Variants in SYNE3 observed in about 807,000 individuals in gnomAD.
SYNE3 encodes the protein spectrin repeat containing nuclear envelope family member 3.
SYNE3 carries 100 observed loss-of-function variants against 111.2 expected under a neutral mutation model. That is an observed-to-expected ratio of 0.90 (90% CI 0.77 to 1.06). The LOEUF is 1.06. Ranked by LOEUF, SYNE3 falls within the 50% of genes least tolerant of loss-of-function variation. The pLI is 0.00. For synonymous variants in SYNE3, 547 were observed against 533.9 expected (o/e 1.02, Z -0.34); for missense variants, 1,160 against 1,240.3 (o/e 0.94, Z 0.97).
intron 1 of SYNE3, among the ~76,000 whole-genome samples, chr14:95,506,685 G>A (rs1445124980): frequency 6.6e-6 from 1 of 152,224 alleles, no homozygotes; most frequent in Non-Finnish European, 1.5e-5. Context: ...AACTTGGAGA[G>A]GCTGGGAAGG....
At chr14:95,477,037 A>C (rs557438350) in intron 1 of SYNE3, among the ~76,000 whole-genome samples, 3 of 152,372 alleles carry the variant, frequency 2.0e-5, no homozygotes, top group South Asian at 4.1e-4. Context: ...AAAATTATAT[A>C]TTAGGTAGTC....
intron 17 of SYNE3, among the ~76,000 whole-genome samples, chr14:95,420,630 G>A (rs148034050): frequency 1.2e-3 from 177 of 152,170 alleles, no homozygotes; most frequent in African/African-American, 3.9e-3. Flanking sequence ...TAGACCTCAC[G>A]TCCTCACTTA....
chr14:95,455,765 A>C (rs2139438676), intron 5 of SYNE3, 41 bp from the exon 6 acceptor site: 1 of 1,592,670 alleles, frequency 6.3e-7, no homozygotes, highest in Middle Eastern at 1.7e-4. Context: ...AGGCAGGGAA[A>C]AAGAATACAG....
intron 1 of SYNE3, among the ~76,000 whole-genome samples, chr14:95,499,253 G>A (rs553266332): frequency 3.3e-4 from 51 of 152,294 alleles, no homozygotes; most frequent in Non-Finnish European, 5.6e-4. Context: ...AGCATCTAAC[G>A]GCTCAGGGTC....
intron 5 of SYNE3, 184 bp from the exon 6 acceptor site, chr14:95,455,908 A>G: frequency 1.7e-6 from 1 of 589,370 alleles, no homozygotes; most frequent in East Asian, 2.8e-5. Context: ...TCACAACCTG[A>G]GAACCCTATT....
chr14:95,438,163 A>C (rs943470986), intron 14 of SYNE3: 13 of 152,204 alleles, frequency 8.5e-5, no homozygotes, highest in Admixed American at 8.5e-4. Context: ...CTGCAGCCTC[A>C]AACTCCTGGG....
At position 95,415,276 on chromosome 14, in the gene SYNE3, G is replaced by GCCCCCCC. The variant is rs59220960; in HGVS notation, c.*2543_*2549dup. 3 of 139,612 alleles carry GCCCCCCC rather than the reference G, an allele frequency of 2.1e-5. No individual in the cohort carries two copies. The highest frequency in any genetic ancestry group is 2.2e-4 in the East Asian group (1 of 4,564). The allele number at this position is 139,612 out of a possible 1,614,324, so 8.6% of individuals were successfully genotyped here. ...CATAGGAAAGTGGACACCTGGCAAG[G>GCCCCCCC]CCCCCCCACCCACCCACCCTGCCAC... On this transcript the variant is annotated 3_prime_UTR_variant, in exon 18 of 18. Transcript: ENST00000682763.
At chr14:95,418,065 G>A (rs1367442248) in intron 17 of SYNE3, 39 bp from the exon 18 acceptor site, 1 of 1,599,000 alleles carries the variant, frequency 6.3e-7, no homozygotes, top group Non-Finnish European at 8.5e-7. Flanking sequence ...GGGCTGGGGG[G>A]CTCTGGTGGT....
chr14:95,488,707 A>G (rs1200127868), intron 1 of SYNE3, among the ~76,000 whole-genome samples: 2 of 52,454 alleles, frequency 3.8e-5, no homozygotes, highest in Non-Finnish European at 6.7e-5. Flanking sequence ...GGAGGAGAGG[A>G]GAGGAGAGGA....
At chr14:95,463,416 G>GCA (rs1293984771) in intron 4 of SYNE3, among the ~76,000 whole-genome samples, 1 of 152,168 alleles carries the variant, frequency 6.6e-6, no homozygotes, top group Non-Finnish European at 1.5e-5. Context: ...GTACAAACAT[G>GCA]CACACACACC....
At chr14:95,428,894 A>G (rs186422463) in intron 17 of SYNE3, among the ~76,000 whole-genome samples, 1 of 152,344 alleles carries the variant, frequency 6.6e-6, no homozygotes, top group East Asian at 1.9e-4. Context: ...GGGAGGAAAA[A>G]AAGTGTGGAG....
At chr14:95,494,602 G>A (rs1448628656) in intron 1 of SYNE3, among the ~76,000 whole-genome samples, 1 of 152,172 alleles carries the variant, frequency 6.6e-6, no homozygotes, top group East Asian at 1.9e-4. Flanking sequence ...GGGCAATAGG[G>A]AGCCAGTGAG....
Position 95,447,930 on chromosome 14 carries a change from A to G in SYNE3, c.1450-1839T>C, listed in dbSNP as rs533379914. 1.3e-3 allele frequency among the ~76,000 whole-genome samples: 191 copies of G among 152,362 alleles called. 1 individual carries two copies. Among genetic ancestry groups the G allele is most frequent in the African/African-American group, 4.4e-3 (182 of 41,580 alleles). ...CTACCTGTGCATAGATATTCAAAATATGTGAATTATGACAATAAAAAATCA... is the reference window on the plus strand; with the variant it reads ...CTACCTGTGCATAGATATTCAAAATGTGTGAATTATGACAATAAAAAATCA... On this transcript the variant is annotated intron_variant, in intron 8 of 17. Coordinates refer to ENST00000682763, the MANE Select transcript of SYNE3 (RefSeq NM_152592.6).
chr14:95,437,012 A>T, intron 14 of SYNE3, 31 bp from the exon 15 acceptor site: 1 of 1,613,472 alleles, frequency 6.2e-7, no homozygotes, highest in Non-Finnish European at 8.5e-7. Flanking sequence ...AAAGCGTCAG[A>T]GGTGAAAGAG....
In SYNE3 at chr14:95,439,907, G is replaced by A. The variant is rs756482442; in HGVS notation, c.2073+7C>T. ...TTGGGAAGTGGGTGAGGGAACCACCGCCTTACCTCAAACTCGGCCTCTTGG... is the reference window on the plus strand; with the variant it reads ...TTGGGAAGTGGGTGAGGGAACCACCACCTTACCTCAAACTCGGCCTCTTGG... On this transcript the variant is annotated splice_region_variant and intron_variant, in intron 12 of 17. Coordinates refer to ENST00000682763, the MANE Select transcript of SYNE3 (RefSeq NM_152592.6). 2.8e-5 allele frequency: 45 copies of A among 1,609,952 alleles called. No homozygotes were observed. The East Asian group carries it at 4.5e-4, about 16-fold the overall frequency.
At chr14:95,443,647 A>AT (rs963701734) in intron 10 of SYNE3, 20 of 192,150 alleles carry the variant, frequency 1.0e-4, no homozygotes, top group East Asian at 9.1e-4. Context: ...AAAATGCACT[A>AT]TTTTTTTTCT....
chr14:95,443,045 A>G (rs1290063140), intron 11 of SYNE3, 110 bp downstream of exon 11: 6 of 1,365,144 alleles, frequency 4.4e-6, no homozygotes, highest in South Asian at 1.4e-5. Context: ...GAAAGAAAAA[A>G]GAGAGGTTAG....
intron 1 of SYNE3, among the ~76,000 whole-genome samples, chr14:95,481,944 C>T (rs1889283949): frequency 6.6e-6 from 1 of 152,234 alleles, no homozygotes; most frequent in African/African-American, 2.4e-5. Context: ...CCAACTGAGG[C>T]TGAGGGCCCT....
intron 16 of SYNE3, among the ~76,000 whole-genome samples, chr14:95,432,800 G>C (rs1885863272): frequency 1.3e-5 from 2 of 152,032 alleles, no homozygotes; most frequent in South Asian, 2.1e-4. Context: ...TGCTTCCCCA[G>C]GTCACGCCTA....
Sources: gnomAD v4.1 joint callset for allele counts (sites outside exome capture counted in the v4.1 genomes callset) on GRCh38, gnomAD v4.1.1 for gene constraint, MANE v1.5 for transcripts, NCBI Gene and HGNC (gene_info 2026-07-23, HGNC 2026-07-21) for gene names.